The following LINGO2 variants were observed in gnomAD, a reference collection of about 807,000 sequenced individuals.
The protein encoded by LINGO2 is leucine rich repeat and Ig domain containing 2.
A neutral mutation model predicts 30.6 loss-of-function variants in LINGO2; 14 were observed. The observed-to-expected ratio is 0.46, with a 90% CI of 0.30 to 0.72. LINGO2 has a LOEUF of 0.72. Among genes scored for constraint, LINGO2 ranks in the 30% least tolerant of loss-of-function variants. The pLI, the probability that LINGO2 is intolerant of heterozygous loss-of-function variation, is 0.07. For missense variants in LINGO2, 729 were observed against 751.7 expected (o/e 0.97, Z 0.35); for synonymous variants, 317 against 288.5 (o/e 1.10, Z -1.00).
intron 1 of LINGO2, among the ~76,000 whole-genome samples, chr9:28,575,008 G>T (rs937999788): frequency 6.6e-6 from 1 of 152,202 alleles, no homozygotes; most frequent in South Asian, 2.1e-4. Context: ...ATACATGATG[G>T]AATACTACTA....
intron 5 of LINGO2, among the ~76,000 whole-genome samples, chr9:27,952,368 T>C (rs1467253783): frequency 1.3e-5 from 2 of 151,934 alleles, no homozygotes; most frequent in Non-Finnish European, 2.9e-5. Flanking sequence ...TGTAGAGAGA[T>C]TAAATATTAT....
At chr9:28,043,756 A>G (rs1824295919) in intron 4 of LINGO2, among the ~76,000 whole-genome samples, 1 of 152,162 alleles carries the variant, frequency 6.6e-6, no homozygotes. Context: ...ATTACATGGA[A>G]ACAATCCTGG....
chr9:28,162,860 T>G (rs770571171), intron 4 of LINGO2, among the ~76,000 whole-genome samples: 7 of 152,098 alleles, frequency 4.6e-5, no homozygotes, highest in Non-Finnish European at 1.0e-4. Context: ...TAGTGAAGAT[T>G]GATGTAGAGA....
the LINGO2 span, among the ~76,000 whole-genome samples, chr9:28,795,853 T>C: frequency 6.6e-6 from 1 of 152,060 alleles, no homozygotes; most frequent in East Asian, 1.9e-4. Flanking sequence ...AACTCATGCT[T>C]ATTCAGTGGT....
the LINGO2 span, among the ~76,000 whole-genome samples, chr9:28,825,600 A>G: frequency 7.3e-4 from 111 of 151,928 alleles, no homozygotes; most frequent in African/African-American, 2.5e-3. Flanking sequence ...TTTTTTCAAG[A>G]AAGGGTGATT....
chr9:28,201,048 CT>C (rs1455106597), intron 4 of LINGO2, among the ~76,000 whole-genome samples: 8 of 151,190 alleles, frequency 5.3e-5, no homozygotes, highest in Non-Finnish European at 8.8e-5. Context: ...TACTGCTCTC[CT>C]TGAGACTTGA....
chr9:28,573,139 G>A (rs1005738306), intron 1 of LINGO2, among the ~76,000 whole-genome samples: 2 of 152,066 alleles, frequency 1.3e-5, no homozygotes, highest in African/African-American at 4.8e-5. Flanking sequence ...AAGAACCAAG[G>A]ACACACAGTA....
At chr9:28,322,829 G>A (rs1244814545) in intron 3 of LINGO2, among the ~76,000 whole-genome samples, 4 of 152,130 alleles carry the variant, frequency 2.6e-5, no homozygotes, top group South Asian at 2.1e-4. Context: ...TTTATTTATT[G>A]TGAAATCATT....
intron 3 of LINGO2, among the ~76,000 whole-genome samples, chr9:28,334,732 C>T (rs1020683493): frequency 1.3e-5 from 2 of 152,114 alleles, no homozygotes; most frequent in Non-Finnish European, 2.9e-5. Context: ...AAGGAGCTGT[C>T]CTGTCCTACT....
the LINGO2 span, among the ~76,000 whole-genome samples, chr9:29,075,619 A>G: frequency 6.6e-6 from 1 of 152,166 alleles, no homozygotes; most frequent in Non-Finnish European, 1.5e-5. Flanking sequence ...CTCATTGGCA[A>G]AATGATCTCT....
chr9:28,422,466 A>T (rs1300755856), intron 2 of LINGO2, among the ~76,000 whole-genome samples: 2 of 152,002 alleles, frequency 1.3e-5, no homozygotes, highest in African/African-American at 4.8e-5. Flanking sequence ...AATGACAATG[A>T]GCTACCAACT....
chr9:29,039,713 T>A, the LINGO2 span, among the ~76,000 whole-genome samples: 4 of 152,132 alleles, frequency 2.6e-5, no homozygotes, highest in Admixed American at 2.6e-4. Flanking sequence ...CTAACTCAAT[T>A]CCAGGGACAG....
chr9:27,967,231 A>G (rs988160071), intron 5 of LINGO2, among the ~76,000 whole-genome samples: 1 of 152,196 alleles, frequency 6.6e-6, no homozygotes, highest in Non-Finnish European at 1.5e-5. Context: ...ATAGAAGTTT[A>G]TTAGTTCTGC....
intron 4 of LINGO2, among the ~76,000 whole-genome samples, chr9:28,189,699 G>A (rs1239760709): frequency 1.4e-5 from 1 of 70,782 alleles, no homozygotes; most frequent in African/African-American, 5.4e-5. Context: ...AAGGAAGGGA[G>A]GGAGGAAGGA....
intron 1 of LINGO2, among the ~76,000 whole-genome samples, chr9:28,661,223 C>A (rs1440816869): frequency 6.6e-6 from 1 of 152,096 alleles, no homozygotes; most frequent in Non-Finnish European, 1.5e-5. Context: ...GTCTTGAAAT[C>A]CTGCTATCCA....
chr9:28,443,556 C>T (rs1374914678), intron 2 of LINGO2, among the ~76,000 whole-genome samples: 2 of 152,232 alleles, frequency 1.3e-5, no homozygotes, highest in South Asian at 4.1e-4. Flanking sequence ...TGGCCTCTCC[C>T]CACTTCCAGT....
intron 1 of LINGO2, among the ~76,000 whole-genome samples, chr9:28,629,778 G>A (rs1220296828): frequency 6.6e-6 from 1 of 151,938 alleles, no homozygotes; most frequent in African/African-American, 2.4e-5. Flanking sequence ...CATATAAATG[G>A]GTTCAGAAAA....
At chr9:28,588,342 GA>G (rs1406341325) in intron 1 of LINGO2, among the ~76,000 whole-genome samples, 1 of 151,982 alleles carries the variant, frequency 6.6e-6, no homozygotes, top group African/African-American at 2.4e-5. Flanking sequence ...GCCAGGGTCA[GA>G]AGATTTGAAA....
At chr9:28,477,777 C>T (rs965943433) in intron 1 of LINGO2, among the ~76,000 whole-genome samples, 17 of 152,176 alleles carry the variant, frequency 1.1e-4, no homozygotes, top group African/African-American at 4.1e-4. Context: ...TAGCGTAAAT[C>T]ATCATTTTAC....
Sources: gnomAD v4.1 joint callset for allele counts (sites outside exome capture counted in the v4.1 genomes callset) on GRCh38, gnomAD v4.1.1 for gene constraint, MANE v1.5 for transcripts, NCBI Gene and HGNC (gene_info 2026-07-23, HGNC 2026-07-21) for gene names.